The following ADARB1 variants were observed in gnomAD, a reference collection of about 807,000 sequenced individuals.
ADARB1 encodes adenosine deaminase RNA specific B1.
ADARB1 carries 10 observed loss-of-function variants against 52.4 expected under a neutral mutation model. The observed-to-expected ratio is 0.19, with a 90% CI of 0.12 to 0.32. The LOEUF is 0.32. Ranked by LOEUF, ADARB1 falls within the 10% of genes least tolerant of loss-of-function variation. ADARB1 has a pLI of 1.00. For missense variants in ADARB1, 643 were observed against 922.3 expected, an observed-to-expected ratio of 0.70 and a Z score of 3.92; for synonymous variants, 349 against 371.1, an observed-to-expected ratio of 0.94 and a Z score of 0.68.
chr21:45,222,307 G>A lies in ADARB1; in HGVS notation c.*110G>A. On this transcript the variant is annotated 3_prime_UTR_variant, in exon 11 of 11. Transcript: ENST00000348831. ...TGCATACCTTGGGGAGGGAGTAGGGGGACACGGGGGACCACCAGGTGTCCA... is the reference window on the plus strand; with the variant it reads ...TGCATACCTTGGGGAGGGAGTAGGGAGACACGGGGGACCACCAGGTGTCCA... 7.2e-7 allele frequency: 1 copy of A among 1,397,408 alleles called. No homozygotes were observed. The allele number at this position is 1,397,408 out of a possible 1,614,324, so 86.6% of individuals were successfully genotyped here.
Position 45,222,059 on chromosome 21 carries a change from C to T in ADARB1, c.1968C>T (p.Asn656=), listed in dbSNP as rs527821718. Residue 656 remains asparagine, a synonymous_variant, in exon 11 of 11, where the codon AAC becomes AAT. Transcript: ENST00000348831. ...HLLRSKITKP[N]VYHESKLAAK... ...TACGCTCCAAGATTACCAAGCCCAA[C>T]GTGTACCATGAGTCCAAGCTGGCGG... 11 of 1,613,748 alleles carry T rather than the reference C, an allele frequency of 6.8e-6. No individual in the cohort carries two copies. In the East Asian group the frequency reaches 8.9e-5, roughly 13 times the overall value.
At chr21:45,155,479 T>C (rs888656484) in intron 2 of ADARB1, among the ~76,000 whole-genome samples, 1 of 152,006 alleles carries the variant, frequency 6.6e-6, no homozygotes, top group Non-Finnish European at 1.5e-5. Flanking sequence ...GGATGGCATT[T>C]ATCCACCCAT....
At chr21:45,158,050 C>T (rs1448729170) in intron 2 of ADARB1, among the ~76,000 whole-genome samples, 2 of 152,184 alleles carry the variant, frequency 1.3e-5, no homozygotes, top group African/African-American at 2.4e-5. Flanking sequence ...ATTGTTGTTT[C>T]GTTGGTCTGG....
At chr21:45,145,330 C>G (rs1420682856) in intron 2 of ADARB1, 1 of 152,722 alleles carries the variant, frequency 6.5e-6, no homozygotes, top group African/African-American at 2.4e-5. Flanking sequence ...ACAGGAAAGC[C>G]CAGGACAGAG....
In ADARB1 at chr21:45,223,577, G is replaced by A. The variant is rs2093003053; in HGVS notation, c.*1380G>A. The A allele has an allele frequency of 1.3e-5, 13 of 985,616 alleles. No individual in the cohort carries two copies. The South Asian group carries it at 6.1e-4, about 46-fold the overall frequency. 61.1% of individuals were successfully genotyped at this position (985,616 alleles called of 1,614,324 possible). On this transcript the variant is annotated 3_prime_UTR_variant, in exon 11 of 11. Coordinates refer to ENST00000348831, the MANE Select transcript of ADARB1 (RefSeq NM_001112.4). ...GCTCCAAGGCTCTAGAGGGTGTTCA[G>A]GTGGGTCTCCTGGGGCCATGGGGAG...
At chr21:45,203,373 G>A (rs943462955) in intron 8 of ADARB1, among the ~76,000 whole-genome samples, 5 of 152,014 alleles carry the variant, frequency 3.3e-5, no homozygotes, top group African/African-American at 1.2e-4. Flanking sequence ...ACAGAACCCC[G>A]CCCTTTCTCC....
chr21:45,161,663 C>A (rs987610498), intron 2 of ADARB1, among the ~76,000 whole-genome samples: 23 of 152,208 alleles, frequency 1.5e-4, no homozygotes, highest in African/African-American at 5.1e-4. Context: ...GGCAGACAAG[C>A]TCCTGGGAAG....
intron 1 of ADARB1, among the ~76,000 whole-genome samples, chr21:45,127,694 C>G (rs1446487798): frequency 6.6e-6 from 1 of 152,168 alleles, no homozygotes; most frequent in Non-Finnish European, 1.5e-5. Context: ...GGTTCCCACT[C>G]AGAAACCCGC....
In ADARB1 at chr21:45,224,958, T is replaced by A. The variant is rs2093038431; in HGVS notation, c.*2761T>A. ...GTCACTCTCCATCCAGTGTCCTTGA[T>A]GTGGCTTTTAGAGACTTAGCAGAAA... On this transcript the variant is annotated 3_prime_UTR_variant, in exon 11 of 11. Coordinates refer to ENST00000348831, the MANE Select transcript of ADARB1 (RefSeq NM_001112.4). The A allele has an allele frequency of 2.0e-6, 2 of 985,548 alleles. No individual in the cohort carries two copies. The highest frequency in any genetic ancestry group is 3.5e-5 in the African/African-American group (2 of 57,302). The allele number at this position is 985,548 out of a possible 1,614,324, so 61.1% of individuals were successfully genotyped here.
At position 45,175,909 on chromosome 21, in the gene ADARB1, A is replaced by G; in HGVS notation, c.208A>G (p.Arg70Gly). Reference protein sequence around the residue: ...NGHSKYRLKKRRKTPGPVLPK... With the variant: ...NGHSKYRLKKGRKTPGPVLPK... Reference sequence around the variant, plus strand: ...CCACTCCAAGTACCGCCTGAAGAAAAGGAGGAAAACACCAGGGCCCGTCCT... The same window carrying G: ...CCACTCCAAGTACCGCCTGAAGAAAGGGAGGAAAACACCAGGGCCCGTCCT... Residue 70 changes from arginine (R) to glycine (G), a missense_variant, in exon 4 of 11, where the codon AGG becomes GGG. By Grantham distance (125) the Arg-to-Gly change is moderately radical (BLOSUM62 -2). Transcript: ENST00000348831. The G allele has an allele frequency of 6.2e-7, 1 of 1,609,980 alleles. No individual in the cohort carries two copies. Among genetic ancestry groups the G allele is most frequent in the Non-Finnish European group, 8.5e-7 (1 of 1,178,164 alleles).
intron 1 of ADARB1, among the ~76,000 whole-genome samples, chr21:45,124,787 ATGTG>A (rs56113860): frequency 0.022 from 2,980 of 135,784 alleles, 36 homozygotes; most frequent in Non-Finnish European, 0.032. Flanking sequence ...GTGTGTGTGT[ATGTG>A]TGTGTGTGTG....
At chr21:45,189,274 G>C (rs1185699504) in intron 8 of ADARB1, among the ~76,000 whole-genome samples, 1 of 151,480 alleles carries the variant, frequency 6.6e-6, no homozygotes, top group South Asian at 2.1e-4. Context: ...TTTTCTTTGT[G>C]GTTACCATTG....
intron 2 of ADARB1, among the ~76,000 whole-genome samples, chr21:45,152,222 T>C (rs2090327217): frequency 6.6e-6 from 1 of 152,256 alleles, no homozygotes; most frequent in African/African-American, 2.4e-5. Flanking sequence ...CTTTTATTGA[T>C]AGATTTTTTG....
intron 2 of ADARB1, among the ~76,000 whole-genome samples, chr21:45,160,699 A>G (rs1006302771): frequency 1.3e-5 from 2 of 152,374 alleles, no homozygotes; most frequent in African/African-American, 2.4e-5. Flanking sequence ...TAAACAAGGT[A>G]GAATTTTATT....
chr21:45,221,980 GCGT>G lies in ADARB1; in HGVS notation c.1927-36_1927-34del. On this transcript the variant is annotated intron_variant, in intron 10 of 10. Transcript: ENST00000348831. The surrounding 1 kb of genome is among the most constrained non-coding windows in gnomAD (Gnocchi z 4.9). ...TTAGGTGTTGTTTTCATCTGTTACA[GCGT>G]CAACAGTTGCATTTGTTTTTTTATC... The G allele has an allele frequency of 6.3e-7, 1 of 1,597,236 alleles. No homozygotes were observed. The highest frequency in any genetic ancestry group is 1.3e-5 in the African/African-American group (1 of 74,734).
rs565904861 is a variant in ADARB1 at position 45,223,733 on chromosome 21, C to G, written c.*1536C>G. 1 of 985,490 alleles carries G rather than the reference C, an allele frequency of 1.0e-6. No individual in the cohort carries two copies. The highest frequency in any genetic ancestry group is 1.7e-5 in the African/African-American group (1 of 57,332). 61.0% of individuals were successfully genotyped at this position (985,490 alleles called of 1,614,324 possible). On this transcript the variant is annotated 3_prime_UTR_variant, in exon 11 of 11. Coordinates refer to ENST00000348831, the MANE Select transcript of ADARB1 (RefSeq NM_001112.4). ...AGGGGCGTCATCCTCCCACCGGACG[C>G]TGGGAGCTCAGACCCCAAAACTGAA...
rs1422433679 is a variant in ADARB1, at chr21:45,223,409, C to T, written c.*1212C>T. ...GGCCCCACGACAGAGGGAGTCAGCCCGGGAGGTCAGGAGCGCGGCGGGCGA... is the reference window on the plus strand; with the variant it reads ...GGCCCCACGACAGAGGGAGTCAGCCTGGGAGGTCAGGAGCGCGGCGGGCGA... On this transcript the variant is annotated 3_prime_UTR_variant, in exon 11 of 11. Transcript: ENST00000348831. 18 of 985,646 alleles carry T rather than the reference C, an allele frequency of 1.8e-5. No homozygotes were observed. Among genetic ancestry groups the T allele is most frequent in the African/African-American group, 8.7e-5 (5 of 57,242 alleles). 61.1% of individuals were successfully genotyped at this position (985,646 alleles called of 1,614,324 possible).
Position 45,142,322 on chromosome 21 carries a change from C to A in ADARB1, c.-48+13749C>A, listed in dbSNP as rs1254059550. ...ACCCTAAGTTGCATGGTAAAGTCACCTTTAAAGCCAATGGAAAAAGCTTAA... is the reference window on the plus strand; with the variant it reads ...ACCCTAAGTTGCATGGTAAAGTCACATTTAAAGCCAATGGAAAAAGCTTAA... On this transcript the variant is annotated intron_variant, in intron 2 of 10. Coordinates refer to ENST00000348831, the MANE Select transcript of ADARB1 (RefSeq NM_001112.4). This position sits in a 1 kb window ranked among gnomAD's most constrained non-coding sequence, Gnocchi z 4.0. Among the ~76,000 whole-genome samples, 2 of 152,162 alleles carry A rather than the reference C, an allele frequency of 1.3e-5. No individual in the cohort carries two copies. Among genetic ancestry groups the A allele is most frequent in the Admixed American group, 6.5e-5 (1 of 15,278 alleles).
In ADARB1 at chr21:45,226,369, G is replaced by A. The variant is rs2093058938; in HGVS notation, c.*4172G>A. 6.6e-6 allele frequency: 1 copy of A among 152,622 alleles called. No individual in the cohort carries two copies. Among genetic ancestry groups the A allele is most frequent in the Admixed American group, 6.5e-5 (1 of 15,280 alleles). The allele number at this position is 152,622 out of a possible 1,614,324, so 9.5% of individuals were successfully genotyped here. ...TAGAATCTGGACACTTTCTATGAAT[G>A]TAATTCGGCTGAGAAACATGTTGCT... On this transcript the variant is annotated 3_prime_UTR_variant, in exon 11 of 11. Transcript: ENST00000348831.
Sources: gnomAD v4.1 joint callset for allele counts (sites outside exome capture counted in the v4.1 genomes callset) on GRCh38, gnomAD v4.1.1 for gene constraint, Gnocchi (gnomAD v3.1) non-coding constraint, MANE v1.5 for transcripts, NCBI Gene and HGNC (gene_info 2026-07-23, HGNC 2026-07-21) for gene names.